ZFPM1: variants seen among roughly 807,000 people sequenced by gnomAD.
ZFPM1 encodes the protein zinc finger protein ZFPM1.
In ZFPM1, 28 loss-of-function variants were observed where a neutral mutation model predicts 46.3. The ratio of observed to expected loss-of-function variants is 0.60; its 90% confidence interval spans 0.45 to 0.83. The LOEUF (loss-of-function observed/expected upper bound fraction) is 0.83, where lower values mean the gene tolerates loss of function less well. Among genes scored for constraint, ZFPM1 ranks in the 40% least tolerant of loss-of-function variants. The pLI is 0.00. For synonymous variants in ZFPM1, 957 were observed against 675.9 expected (o/e 1.42, Z -6.45); for missense variants, 1,878 against 1,432.4 (o/e 1.31, Z -5.02).
intron 1 of ZFPM1, among the ~76,000 whole-genome samples, chr16:88,455,559 G>T (rs1197528108): frequency 7.8e-6 from 1 of 128,484 alleles, no homozygotes; most frequent in African/African-American, 2.9e-5. Flanking sequence ...CCTGCCCGCT[G>T]CCCTGGCCTC....
In ZFPM1 at chr16:88,481,172, G is replaced by A. The variant is rs376803059; in HGVS notation, c.41-4767G>A. Reference sequence around the variant, plus strand: ...CTGGCTGTGATAACCAAGGGGCTCCGGGCACCACAGGGGCTGAGCCCAGTG... The same window carrying A: ...CTGGCTGTGATAACCAAGGGGCTCCAGGCACCACAGGGGCTGAGCCCAGTG... On this transcript the variant is annotated intron_variant, in intron 1 of 9. Transcript: ENST00000319555. Among the ~76,000 whole-genome samples the A allele has an allele frequency of 1.7e-4, 26 of 152,314 alleles. No homozygotes were observed. In the East Asian group the frequency reaches 3.5e-3, roughly 20 times the overall value.
At chr16:88,502,041 G>A (rs967147120) in intron 3 of ZFPM1, among the ~76,000 whole-genome samples, 10 of 123,896 alleles carry the variant, frequency 8.1e-5, no homozygotes, top group African/African-American at 2.9e-4. Context: ...CTCCACCCCC[G>A]ACGCGGCTCC....
chr16:88,524,026 G>A lies in ZFPM1; in HGVS notation c.403-2788G>A, dbSNP rs370829275. ...CGTGTTTTTATCATGCTGGGAACAC[G>A]CTGCTCCTGGGAGTGATAAGCATTA... On this transcript the variant is annotated intron_variant, in intron 4 of 9. Transcript: ENST00000319555. Among the ~76,000 whole-genome samples, 332 of 152,384 alleles carry A rather than the reference G, an allele frequency of 2.2e-3. 5 individuals carry two copies. In the South Asian group the frequency reaches 0.049, roughly 23 times the overall value.
At chr16:88,508,952 G>A (rs980024678) in intron 3 of ZFPM1, among the ~76,000 whole-genome samples, 21 of 152,218 alleles carry the variant, frequency 1.4e-4, no homozygotes, top group African/African-American at 4.1e-4. Context: ...GAATCCGCAC[G>A]CGGCGCGTCA....
At chr16:88,500,238 C>T (rs909576773) in intron 3 of ZFPM1, among the ~76,000 whole-genome samples, 28 of 152,330 alleles carry the variant, frequency 1.8e-4, no homozygotes, top group African/African-American at 5.5e-4. Flanking sequence ...CCTGGAGCCC[C>T]GGCTACTGCC....
intron 1 of ZFPM1, among the ~76,000 whole-genome samples, chr16:88,472,298 C>T (rs762048801): frequency 3.0e-4 from 45 of 151,956 alleles, no homozygotes; most frequent in Non-Finnish European, 5.7e-4. Flanking sequence ...ACCAGAGCGC[C>T]TGCTGCCACC....
At chr16:88,529,451 G>A (rs1171328929) in intron 6 of ZFPM1, among the ~76,000 whole-genome samples, 1 of 151,158 alleles carries the variant, frequency 6.6e-6, no homozygotes, top group Non-Finnish European at 1.5e-5. Context: ...CAAGTGTGCA[G>A]CCACTGGGGG....
intron 2 of ZFPM1, 96 bp downstream of exon 2, chr16:88,486,139 T>C (rs991151693): frequency 1.1e-4 from 139 of 1,280,474 alleles, no homozygotes; most frequent in Non-Finnish European, 1.4e-4. Context: ...CTGAGAGGTG[T>C]GGGCCAACTA....
At position 88,533,581 on chromosome 16, in the gene ZFPM1, G is replaced by T; in HGVS notation, c.1623G>T (p.Glu541Asp). 2 of 1,500,378 alleles carry T rather than the reference G, an allele frequency of 1.3e-6. No individual in the cohort carries two copies. The highest frequency in any genetic ancestry group is 2.1e-5 in the Admixed American group (1 of 47,658). 92.9% of individuals were successfully genotyped at this position (1,500,378 alleles called of 1,614,324 possible). ...CCGACGCGGCGCCCCCCGCCTCGGA[G>T]ATCCTGGCCAAGATGTCCGAGCTGG... ...FGPDAAPPAS[E>D]ILAKMSELVH... Residue 541 changes from glutamate (E) to aspartate (D), a missense_variant, in exon 10 of 10, where the codon GAG becomes GAT. Glu to Asp is a conservative substitution (Grantham distance 45). Coordinates refer to ENST00000319555, the MANE Select transcript of ZFPM1 (RefSeq NM_153813.3).
In ZFPM1 at chr16:88,533,942, G is replaced by T; in HGVS notation, c.1984G>T (p.Gly662Cys). ...ATPEDGAGGR[G>C]SEGSQSPGSS... ...GCCCGAGGACGGCGCGGGCGGCCGG[G>T]GCAGCGAGGGCAGCCAGAGCCCGGG... Residue 662 changes from glycine (G) to cysteine (C), a missense_variant, in exon 10 of 10, where the codon GGC becomes TGC. Gly to Cys is a radical substitution (Grantham distance 159). Transcript: ENST00000319555. 7.8e-7 allele frequency: 1 copy of T among 1,274,310 alleles called. No individual in the cohort carries two copies. Among genetic ancestry groups the T allele is most frequent in the South Asian group, 1.3e-5 (1 of 75,598 alleles). 78.9% of individuals were successfully genotyped at this position (1,274,310 alleles called of 1,614,324 possible). A position where few individuals can be genotyped will look rare whatever the true frequency, so the allele number is the denominator to read the frequency against.
At chr16:88,478,361 C>T (rs1908777117) in intron 1 of ZFPM1, among the ~76,000 whole-genome samples, 1 of 152,308 alleles carries the variant, frequency 6.6e-6, no homozygotes, top group East Asian at 1.9e-4. Flanking sequence ...GCGGGTGGGC[C>T]AGGGGTGGGG....
intron 1 of ZFPM1, among the ~76,000 whole-genome samples, chr16:88,461,695 G>C (rs1035079389): frequency 6.6e-6 from 1 of 152,136 alleles, no homozygotes; most frequent in Non-Finnish European, 1.5e-5. Flanking sequence ...GCAGAGTCCC[G>C]CTGGCCCTCC....
chr16:88,478,284 C>T (rs1908774078), intron 1 of ZFPM1, among the ~76,000 whole-genome samples: 1 of 152,232 alleles, frequency 6.6e-6, no homozygotes, highest in Non-Finnish European at 1.5e-5. Context: ...TAAGCCGCAC[C>T]CTCACCGGCA....
At position 88,489,047 on chromosome 16, in the gene ZFPM1, A is replaced by T. The variant is rs1488239215; in HGVS notation, c.162A>T (p.Pro54=). 2 of 1,612,676 alleles carry T rather than the reference A, an allele frequency of 1.2e-6. No individual in the cohort carries two copies. The part of the protein sequence containing the change: ...SPPSADVNSP[P]PLPPPTSPGG... ...TCTCTGCAGATGTTAACTCACCCCCACCGCTGCCGCCCCCCACATCCCCAG... is the reference window on the plus strand; with the variant it reads ...TCTCTGCAGATGTTAACTCACCCCCTCCGCTGCCGCCCCCCACATCCCCAG... Residue 54 remains proline (P), a synonymous_variant, in exon 3 of 10, where the codon CCA becomes CCT. Coordinates refer to ENST00000319555, the MANE Select transcript of ZFPM1 (RefSeq NM_153813.3).
rs142485902 is a variant in ZFPM1 at position 88,529,715 on chromosome 16, C to T, written c.712+1477C>T. Among the ~76,000 whole-genome samples the T allele has an allele frequency of 3.3e-3, 497 of 152,274 alleles. 5 individuals carry two copies. The highest frequency in any genetic ancestry group is 0.011 in the African/African-American group (451 of 41,554). ...GTGGTCTGGCACATCCAGGCTGTGG[C>T]GAGACCAACAGCAGAGAAATGACTA... On this transcript the variant is annotated intron_variant, in intron 6 of 9. Coordinates refer to ENST00000319555, the MANE Select transcript of ZFPM1 (RefSeq NM_153813.3).
At position 88,459,974 on chromosome 16, in the gene ZFPM1, C is replaced by T. The variant is rs191702361; in HGVS notation, c.40+6296C>T. Among the ~76,000 whole-genome samples, 291 of 151,610 alleles carry T rather than the reference C, an allele frequency of 1.9e-3. 2 individuals are homozygous for T. The highest frequency in any genetic ancestry group is 6.6e-3 in the African/African-American group (274 of 41,284). The stretch of plus-strand genomic sequence containing the variant: ...ACCCTGCTGCTCACATAGCTCACTG[C>T]GCTGGCCCCAGGTTCCAGGTCAGGG... On this transcript the variant is annotated intron_variant, in intron 1 of 9. Transcript: ENST00000319555.
At position 88,534,432 on chromosome 16, in the gene ZFPM1, G is replaced by GC; in HGVS notation, c.2475dup (p.Phe826LeufsTer251). 1 of 1,496,926 alleles carries GC rather than the reference G, an allele frequency of 6.7e-7. No individual in the cohort carries two copies. Among genetic ancestry groups the GC allele is most frequent in the Non-Finnish European group, 8.8e-7 (1 of 1,130,540 alleles). 92.7% of individuals were successfully genotyped at this position (1,496,926 alleles called of 1,614,324 possible). On this transcript the variant is annotated frameshift_variant, in exon 10 of 10. Coordinates refer to ENST00000319555, the MANE Select transcript of ZFPM1 (RefSeq NM_153813.3). LOFTEE classifies it low-confidence loss of function (END_TRUNC). ...CACGAGTGCACGGCCTGCCGCGTGA[G>GC]CTTCCACAGCCTCGAGGCCTACCTG...
At chr16:88,532,746 G>T in intron 8 of ZFPM1, 37 bp downstream of exon 8, 1 of 1,612,540 alleles carries the variant, frequency 6.2e-7, no homozygotes, top group South Asian at 1.1e-5. Context: ...TGTGGGTCCC[G>T]CCTCCCCGCC....
At chr16:88,513,224 C>T (rs151032525) in intron 3 of ZFPM1, 6 of 152,346 alleles carry the variant, frequency 3.9e-5, no homozygotes, top group Admixed American at 2.6e-4. Context: ...CCCCAGTCCG[C>T]TCTTCCCTTC....
Sources: gnomAD v4.1 joint callset for allele counts (sites outside exome capture counted in the v4.1 genomes callset) on GRCh38, gnomAD v4.1.1 for gene constraint, MANE v1.5 for transcripts, NCBI Gene and HGNC (gene_info 2026-07-23, HGNC 2026-07-21) for gene names.